The following SYN2 variants were observed in gnomAD, a reference collection of about 807,000 sequenced individuals.
SYN2 encodes synapsin II.
In SYN2, 19 loss-of-function variants were observed where a neutral mutation model predicts 50.9. The ratio of observed to expected loss-of-function variants is 0.37; its 90% CI spans 0.26 to 0.55. SYN2 has a LOEUF of 0.55. Ranked by LOEUF, SYN2 falls within the 20% of genes least tolerant of loss-of-function variation. SYN2 has a pLI of 0.81. For missense variants in SYN2, 587 were observed against 576.4 expected, an observed-to-expected ratio of 1.02 and a Z score of -0.19; for synonymous variants, 255 against 224.9, an observed-to-expected ratio of 1.13 and a Z score of -1.20.
chr3:12,122,715 A>G (rs894443076), intron 1 of SYN2, among the ~76,000 whole-genome samples: 8 of 152,190 alleles, frequency 5.3e-5, no homozygotes, highest in African/African-American at 1.9e-4. Context: ...GAGGCCCCAT[A>G]AGTCAATTAA....
chr3:12,143,908 T>C (rs1171367057), intron 3 of SYN2, among the ~76,000 whole-genome samples: 1 of 152,228 alleles, frequency 6.6e-6, no homozygotes, highest in Admixed American at 6.5e-5. Flanking sequence ...CCACCAACGA[T>C]GTAAAAGCTT....
chr3:12,014,072 A>G (rs765613454), intron 1 of SYN2, among the ~76,000 whole-genome samples: 1 of 152,070 alleles, frequency 6.6e-6, no homozygotes, highest in Non-Finnish European at 1.5e-5. Flanking sequence ...TGCCCCCTCC[A>G]TGCCCTCTTT....
At chr3:12,113,587 G>A (rs1472752408) in intron 1 of SYN2, among the ~76,000 whole-genome samples, 1 of 152,050 alleles carries the variant, frequency 6.6e-6, no homozygotes, top group East Asian at 1.9e-4. Context: ...GCCCCAAAAG[G>A]AAACCCTGTG....
intron 7 of SYN2, chr3:12,165,445 A>G (rs1023334308): frequency 1.3e-5 from 2 of 152,240 alleles, no homozygotes; most frequent in Admixed American, 1.3e-4. Flanking sequence ...TAAAATTACT[A>G]TTAATGAAAT....
chr3:12,185,602 T>C (rs1183909727), intron 11 of SYN2: 10 of 985,784 alleles, frequency 1.0e-5, no homozygotes, highest in Non-Finnish European at 1.2e-5. Context: ...TTTCCTGACG[T>C]TGTCCCCTTT....
intron 1 of SYN2, among the ~76,000 whole-genome samples, chr3:12,111,064 T>G (rs1574946423): frequency 1.3e-5 from 2 of 152,184 alleles, no homozygotes; most frequent in Admixed American, 1.3e-4. Context: ...ATGATATGGT[T>G]TGGCTGTGTC....
chr3:12,183,616 C>A, intron 11 of SYN2: 1 of 1,450,296 alleles, frequency 6.9e-7, no homozygotes, highest in Non-Finnish European at 9.0e-7. Flanking sequence ...TTTACCTGTT[C>A]CTGTTCGTGC....
intron 5 of SYN2, 90 bp from the exon 6 acceptor site, chr3:12,161,456 C>T (rs1187807628): frequency 1.4e-6 from 2 of 1,456,308 alleles, no homozygotes; most frequent in East Asian, 2.3e-5. Context: ...AAAGAACCCT[C>T]CCAAGGGTAT....
intron 5 of SYN2, chr3:12,158,715 G>A (rs781681986): frequency 1.9e-6 from 3 of 1,610,286 alleles, no homozygotes; most frequent in South Asian, 1.1e-5. Context: ...GTGCCGAGTG[G>A]CAGATGTGCT....
At position 12,145,795 on chromosome 3, in the gene SYN2, C is replaced by T. The variant is rs917409328; in HGVS notation, c.644C>T (p.Ser215Leu). The T allele has an allele frequency of 1.2e-6, 2 of 1,614,006 alleles. No homozygotes were observed. The highest frequency in any genetic ancestry group is 1.1e-5 in the South Asian group (1 of 91,076). ...MQYAGLPSIN[S>L]LESIYNFCDK... ...TATGCAGGCCTCCCCAGCATCAACT[C>T]ACTGGAATCCATATACAACTTCTGT... The change falls in exon 4 of 13, where the codon TCA becomes TTA. Residue 215 changes from serine to leucine, a missense_variant. Ser to Leu is a moderately radical substitution (Grantham distance 145, BLOSUM62 -2). Coordinates refer to ENST00000621198, the MANE Select transcript of SYN2 (RefSeq NM_133625.6).
chr3:12,153,684 G>A, intron 5 of SYN2: 1 of 1,614,204 alleles, frequency 6.2e-7, no homozygotes, highest in Non-Finnish European at 8.5e-7. Flanking sequence ...GGCCGAGATG[G>A]TACAGGGTAC....
At chr3:12,010,877 G>A (rs76639619) in intron 1 of SYN2, among the ~76,000 whole-genome samples, 3 of 152,272 alleles carry the variant, frequency 2.0e-5, no homozygotes, top group East Asian at 1.9e-4. Context: ...ATATGTTATC[G>A]TGAAAAAAGA....
chr3:12,110,659 G>A (rs1315738197), intron 1 of SYN2, among the ~76,000 whole-genome samples: 4 of 152,204 alleles, frequency 2.6e-5, no homozygotes, highest in Non-Finnish European at 5.9e-5. Context: ...CTGTGCACTT[G>A]TACAGCACAG....
At chr3:12,013,352 A>G (rs1026752886) in intron 1 of SYN2, among the ~76,000 whole-genome samples, 10 of 152,088 alleles carry the variant, frequency 6.6e-5, no homozygotes, top group African/African-American at 2.2e-4. Flanking sequence ...TTAAATGTAG[A>G]TGTTCCTCCG....
At chr3:12,016,530 T>TGA (rs1372409006) in intron 1 of SYN2, among the ~76,000 whole-genome samples, 3 of 152,220 alleles carry the variant, frequency 2.0e-5, no homozygotes, top group African/African-American at 7.2e-5. Flanking sequence ...CATAGGCAGT[T>TGA]TAACTGTTCA....
rs116017412 is a variant in SYN2 at position 12,092,372 on chromosome 3, G to A, written c.378-48279G>A. On this transcript the variant is annotated intron_variant, in intron 1 of 12. Transcript: ENST00000621198. ...TTAAGACACAATCATTGCTTTCCAC[G>A]AGCTCATTCTAGTAGGGAATACAAA... Among the ~76,000 whole-genome samples the A allele has an allele frequency of 6.3e-3, 961 of 152,162 alleles. 9 individuals are homozygous for A. Among genetic ancestry groups the A allele is most frequent in the African/African-American group, 0.021 (891 of 41,524 alleles).
intron 1 of SYN2, among the ~76,000 whole-genome samples, chr3:12,071,868 C>T (rs1695360982): frequency 6.6e-6 from 1 of 152,150 alleles, no homozygotes. Context: ...TGATGTTTTC[C>T]TGCCAGAACA....
At chr3:12,006,831 G>A (rs969892111) in intron 1 of SYN2, among the ~76,000 whole-genome samples, 3 of 152,220 alleles carry the variant, frequency 2.0e-5, no homozygotes, top group African/African-American at 7.2e-5. Flanking sequence ...AACAAATGGA[G>A]TGGTTAGTGA....
intron 1 of SYN2, among the ~76,000 whole-genome samples, chr3:12,120,008 T>C (rs1696518059): frequency 1.3e-5 from 2 of 152,246 alleles, no homozygotes; most frequent in Admixed American, 1.3e-4. Context: ...TCTGAATTTT[T>C]TTTCTAACAA....
Sources: allele counts gnomAD v4.1 joint callset (sites outside exome capture counted in the v4.1 genomes callset), GRCh38; gene constraint gnomAD v4.1.1; transcripts MANE v1.5; gene names NCBI Gene and HGNC (gene_info 2026-07-23, HGNC 2026-07-21).